The following SLC24A2 variants were observed in gnomAD, a reference collection of about 807,000 sequenced individuals.
SLC24A2 encodes sodium/potassium/calcium exchanger 2.
A neutral mutation model predicts 62.0 loss-of-function variants in SLC24A2; 36 were observed. The ratio of observed to expected loss-of-function variants is 0.58; its 90% CI spans 0.44 to 0.77. The LOEUF is 0.77. Among genes scored for constraint, SLC24A2 ranks in the 30% least tolerant of loss-of-function variants. SLC24A2 has a pLI of 0.00. For missense variants in SLC24A2, 846 were observed against 817.9 expected, an observed-to-expected ratio of 1.03 and a Z score of -0.42; for synonymous variants, 358 against 294.0, an observed-to-expected ratio of 1.22 and a Z score of -2.23.
chr9:19,520,960 C>T lies in SLC24A2; in HGVS notation c.1670G>A (p.Arg557Gln), dbSNP rs575461406. The T allele has an allele frequency of 1.9e-5, 30 of 1,614,066 alleles. No homozygotes were observed. The highest frequency in any genetic ancestry group is 4.5e-5 in the East Asian group (2 of 44,844). ...CACAGCCATGTCCCCTAACCCCTTC[C>T]GGGCCACTATGACACTGGTGATAAG... is the stretch of plus-strand genomic sequence containing the variant. ...PDLITSVIVA[R>Q]KGLGDMAVSS... Residue 557 changes from arginine (R) to glutamine (Q), a missense_variant, in exon 10 of 11, where the codon CGG (arginine) becomes CAG (glutamine). Physicochemically the swap from Arg to Gln is conservative, Grantham distance 43 (BLOSUM62 1). Transcript: ENST00000341998.
At chr9:20,156,373 C>G in the SLC24A2 span, among the ~76,000 whole-genome samples, 1 of 151,702 alleles carries the variant, frequency 6.6e-6, no homozygotes, top group Non-Finnish European at 1.5e-5. Flanking sequence ...AACCTCCCAG[C>G]TGCCCAAGAC....
At chr9:19,697,299 G>C (rs1000005744) in intron 2 of SLC24A2, among the ~76,000 whole-genome samples, 5 of 152,136 alleles carry the variant, frequency 3.3e-5, no homozygotes, top group African/African-American at 1.2e-4. Flanking sequence ...CAGCGGGAGG[G>C]AGAGCATCAG....
the SLC24A2 span, among the ~76,000 whole-genome samples, chr9:20,069,902 C>T: frequency 6.6e-6 from 1 of 152,186 alleles, no homozygotes; most frequent in Admixed American, 6.5e-5. Flanking sequence ...TCCACCACTT[C>T]CTAGTATGTG....
At chr9:19,676,551 A>G (rs988561930) in intron 2 of SLC24A2, among the ~76,000 whole-genome samples, 2 of 152,110 alleles carry the variant, frequency 1.3e-5, no homozygotes, top group Non-Finnish European at 1.5e-5. Flanking sequence ...CAATGGAGGC[A>G]CTTTTTTTCC....
chr9:20,204,503 G>A, the SLC24A2 span, among the ~76,000 whole-genome samples: 3 of 152,116 alleles, frequency 2.0e-5, no homozygotes, highest in Non-Finnish European at 4.4e-5. Flanking sequence ...AATATTCAAA[G>A]TGTTGAATAT....
the SLC24A2 span, among the ~76,000 whole-genome samples, chr9:20,086,807 C>A: frequency 1.3e-5 from 2 of 152,178 alleles, no homozygotes; most frequent in Non-Finnish European, 2.9e-5. Flanking sequence ...CCCGTGAGAA[C>A]CTTCTCCCAG....
rs1014508200 is a variant in SLC24A2, at chr9:19,707,911, T to C, written c.930+78026A>G. On this transcript the variant is annotated intron_variant, in intron 2 of 10. Transcript: ENST00000341998. ...TGTTGGAAGTTCTGGCCAGGGCAAT[T>C]AGGCAGGAGAAGGAAATAAAGGGTA... Among the ~76,000 whole-genome samples, 214 of 152,078 alleles carry C rather than the reference T, an allele frequency of 1.4e-3. 1 individual carries two copies. The highest frequency in any genetic ancestry group is 5.0e-3 in the African/African-American group (208 of 41,492).
chr9:20,125,161 A>T, the SLC24A2 span, among the ~76,000 whole-genome samples: 38,678 of 151,976 alleles, frequency 0.25, 5,286 homozygotes, highest in East Asian at 0.58. Flanking sequence ...AGATTTTTTT[A>T]AAATGAATCA....
the SLC24A2 span, among the ~76,000 whole-genome samples, chr9:20,015,086 G>A: frequency 1.1e-4 from 16 of 152,170 alleles, no homozygotes; most frequent in African/African-American, 3.9e-4. Context: ...ATATGTAGTT[G>A]GGGTAGGGAG....
the SLC24A2 span, among the ~76,000 whole-genome samples, chr9:20,156,410 A>G: frequency 1.3e-5 from 2 of 151,674 alleles, no homozygotes; most frequent in African/African-American, 4.8e-5. Flanking sequence ...CAGTGAATCT[A>G]TGAAATGACC....
chr9:19,947,648 G>A, the SLC24A2 span, among the ~76,000 whole-genome samples: 344 of 151,666 alleles, frequency 2.3e-3, 7 homozygotes, highest in East Asian at 0.061. Context: ...AGAATTAGCC[G>A]GGCATGGTGG....
At chr9:19,753,665 A>C (rs1258490007) in intron 2 of SLC24A2, among the ~76,000 whole-genome samples, 1 of 152,034 alleles carries the variant, frequency 6.6e-6, no homozygotes, top group Non-Finnish European at 1.5e-5. Context: ...TATTTTTTCC[A>C]CCAAGCACAC....
chr9:19,770,774 T>C (rs1397870041), intron 2 of SLC24A2, among the ~76,000 whole-genome samples: 2 of 152,218 alleles, frequency 1.3e-5, no homozygotes, highest in Non-Finnish European at 2.9e-5. Flanking sequence ...CTCAGAAAGA[T>C]ATTTATTTCC....
chr9:20,256,382 A>C, the SLC24A2 span, among the ~76,000 whole-genome samples: 1 of 152,206 alleles, frequency 6.6e-6, no homozygotes, highest in African/African-American at 2.4e-5. Flanking sequence ...TCTTCTGGGA[A>C]TACTCAAGAA....
the SLC24A2 span, among the ~76,000 whole-genome samples, chr9:20,273,842 A>C: frequency 6.6e-6 from 1 of 152,134 alleles, no homozygotes; most frequent in Non-Finnish European, 1.5e-5. Flanking sequence ...CATCAAACCT[A>C]AGCATAAAAA....
the SLC24A2 span, among the ~76,000 whole-genome samples, chr9:20,197,355 C>A: frequency 6.6e-6 from 1 of 151,812 alleles, no homozygotes; most frequent in South Asian, 2.1e-4. Flanking sequence ...TAGTTTAGGG[C>A]CATTTTCACC....
chr9:19,813,698 A>G, the SLC24A2 span, among the ~76,000 whole-genome samples: 2 of 152,110 alleles, frequency 1.3e-5, no homozygotes, highest in African/African-American at 4.8e-5. Flanking sequence ...TTGAAACCAA[A>G]TCATCAAAGT....
intron 2 of SLC24A2, among the ~76,000 whole-genome samples, chr9:19,714,493 G>A (rs917338595): frequency 3.9e-5 from 6 of 152,066 alleles, no homozygotes; most frequent in Admixed American, 1.3e-4. Flanking sequence ...CTAGAGTCTC[G>A]TCAACTTTTC....
the SLC24A2 span, among the ~76,000 whole-genome samples, chr9:19,946,209 G>C: frequency 6.6e-6 from 1 of 152,198 alleles, no homozygotes; most frequent in Non-Finnish European, 1.5e-5. Flanking sequence ...CTGCTGGTAA[G>C]TAAAACTGCT....
Sources: gnomAD v4.1 joint callset for allele counts (sites outside exome capture counted in the v4.1 genomes callset) on GRCh38, gnomAD v4.1.1 for gene constraint, MANE v1.5 for transcripts, NCBI Gene and HGNC (gene_info 2026-07-23, HGNC 2026-07-21) for gene names.